Variants in SGMS2 observed in about 807,000 individuals in gnomAD.
SGMS2 encodes the protein phosphatidylcholine:ceramide cholinephosphotransferase 2.
SGMS2 carries 21 observed loss-of-function variants against 43.8 expected under a neutral mutation model. The observed-to-expected ratio is 0.48, with a 90% CI of 0.34 to 0.69. The LOEUF (loss-of-function observed/expected upper bound fraction) is 0.69. SGMS2 is among the 30% of genes least tolerant of loss of function. SGMS2 has a pLI of 0.01. For synonymous variants in SGMS2, 167 were observed against 160.6 expected (o/e 1.04, Z -0.30); for missense variants, 384 against 443.2 (o/e 0.87, Z 1.20).
At chr4:107,862,661 G>T (rs1215137004) in intron 2 of SGMS2, among the ~76,000 whole-genome samples, 1 of 152,130 alleles carries the variant, frequency 6.6e-6, no homozygotes, top group East Asian at 1.9e-4. Context: ...ATGACTGAAG[G>T]AGCCTCTACC....
At chr4:107,902,478 C>T (rs1214019308) in intron 4 of SGMS2, among the ~76,000 whole-genome samples, 1 of 152,054 alleles carries the variant, frequency 6.6e-6, no homozygotes, top group Admixed American at 6.5e-5. Flanking sequence ...CAACTCCTTC[C>T]AGTATGATTA....
chr4:107,902,534 C>T (rs1472488236), intron 4 of SGMS2, among the ~76,000 whole-genome samples: 1 of 152,136 alleles, frequency 6.6e-6, no homozygotes, highest in Admixed American at 6.5e-5. Context: ...CCTAGCCCAG[C>T]GTTGTTTCTC....
At chr4:107,889,875 T>G (rs567635960) in intron 2 of SGMS2, among the ~76,000 whole-genome samples, 1 of 152,260 alleles carries the variant, frequency 6.6e-6, no homozygotes, top group Non-Finnish European at 1.5e-5. Flanking sequence ...AAATCTATCA[T>G]AGGATTGCAT....
At chr4:107,870,172 A>G (rs1050390868) in intron 2 of SGMS2, among the ~76,000 whole-genome samples, 3 of 152,208 alleles carry the variant, frequency 2.0e-5, no homozygotes, top group African/African-American at 4.8e-5. Context: ...TCTTGTATGT[A>G]GCTTTTTAGT....
intron 1 of SGMS2, among the ~76,000 whole-genome samples, chr4:107,841,970 T>A (rs1321568810): frequency 1.3e-5 from 2 of 152,156 alleles, no homozygotes; most frequent in Non-Finnish European, 2.9e-5. Context: ...AATTTTTTTT[T>A]AATATTCCAT....
chr4:107,830,323 T>C (rs897065361), intron 1 of SGMS2, among the ~76,000 whole-genome samples: 2 of 152,210 alleles, frequency 1.3e-5, no homozygotes, highest in Admixed American at 1.3e-4. Context: ...CTATTGTGAA[T>C]AGAGCTGCGA....
At chr4:107,902,289 C>CAAAAAAAAAAAAAAAAAAA (rs34388036) in intron 4 of SGMS2, among the ~76,000 whole-genome samples, 3 of 124,564 alleles carry the variant, frequency 2.4e-5, no homozygotes, top group African/African-American at 7.0e-5. Flanking sequence ...GACCCTGTCT[C>CAAAAAAAAAAAAAAAAAAA]AAAAAAAAAA....
intron 1 of SGMS2, among the ~76,000 whole-genome samples, chr4:107,852,671 G>C (rs1291282608): frequency 2.0e-5 from 3 of 151,784 alleles, no homozygotes; most frequent in African/African-American, 4.8e-5. Context: ...TGTGATAGGA[G>C]CATTTCATTA....
intron 1 of SGMS2, among the ~76,000 whole-genome samples, chr4:107,827,454 A>G (rs1174103171): frequency 6.6e-6 from 1 of 152,166 alleles, no homozygotes; most frequent in African/African-American, 2.4e-5. Context: ...AAGAGACAAG[A>G]AGTGATTAGG....
intron 2 of SGMS2, among the ~76,000 whole-genome samples, chr4:107,875,316 T>C (rs1196430513): frequency 6.6e-6 from 1 of 152,164 alleles, no homozygotes; most frequent in East Asian, 1.9e-4. Flanking sequence ...CATGGAATAC[T>C]ATGCAGCCAT....
At chr4:107,884,500 A>G (rs961455039) in intron 2 of SGMS2, among the ~76,000 whole-genome samples, 7 of 151,714 alleles carry the variant, frequency 4.6e-5, no homozygotes, top group Non-Finnish European at 2.9e-5. Flanking sequence ...ATTTAAACAA[A>G]GGGGGGGGAA....
chr4:107,884,999 C>T (rs761180674), intron 2 of SGMS2, among the ~76,000 whole-genome samples: 1 of 152,102 alleles, frequency 6.6e-6, no homozygotes, highest in African/African-American at 2.4e-5. Flanking sequence ...AAAAAAGCCA[C>T]AATAGTTCCT....
intron 1 of SGMS2, among the ~76,000 whole-genome samples, chr4:107,838,612 C>T (rs573323272): frequency 6.6e-6 from 1 of 152,242 alleles, no homozygotes; most frequent in South Asian, 2.1e-4. Context: ...TTCCAAAGTT[C>T]GCAGGCCCTT....
intron 2 of SGMS2, among the ~76,000 whole-genome samples, chr4:107,884,498 A>G (rs79607709): frequency 1.4e-5 from 1 of 72,288 alleles, no homozygotes; most frequent in African/African-American, 8.7e-5. Flanking sequence ...AGATTTAAAC[A>G]AAGGGGGGGG....
chr4:107,877,827 A>G (rs754586585), intron 2 of SGMS2, among the ~76,000 whole-genome samples: 1 of 151,730 alleles, frequency 6.6e-6, no homozygotes, highest in African/African-American at 2.4e-5. Context: ...GGCCATGGGT[A>G]TGTCATACTT....
intron 2 of SGMS2, among the ~76,000 whole-genome samples, chr4:107,890,002 C>T (rs1730070891): frequency 1.3e-5 from 2 of 152,096 alleles, no homozygotes; most frequent in South Asian, 2.1e-4. Context: ...GAGGCTGGAC[C>T]ATGTGATGTT....
intron 1 of SGMS2, among the ~76,000 whole-genome samples, chr4:107,849,919 C>T (rs569152676): frequency 2.6e-5 from 4 of 152,184 alleles, no homozygotes; most frequent in African/African-American, 4.8e-5. Flanking sequence ...AAAGAATACA[C>T]GTGTGATATA....
intron 2 of SGMS2, among the ~76,000 whole-genome samples, chr4:107,862,372 G>A (rs559889603): frequency 3.9e-5 from 6 of 152,274 alleles, no homozygotes; most frequent in East Asian, 1.9e-4. Flanking sequence ...CCTTGATTCC[G>A]AAGCTACTTA....
chr4:107,900,493 G>A (rs1731030276), intron 4 of SGMS2, among the ~76,000 whole-genome samples: 1 of 152,194 alleles, frequency 6.6e-6, no homozygotes, highest in South Asian at 2.1e-4. Flanking sequence ...TTGACAGAAA[G>A]AAGTCAAGGA....
Sources: gnomAD v4.1 joint callset for allele counts (sites outside exome capture counted in the v4.1 genomes callset) on GRCh38, gnomAD v4.1.1 for gene constraint, MANE v1.5 for transcripts, NCBI Gene and HGNC (gene_info 2026-07-23, HGNC 2026-07-21) for gene names.